Variants in MMP16 observed in about 807,000 individuals in gnomAD.
MMP16 encodes matrix metalloproteinase-16.
In MMP16, 12 loss-of-function variants were observed where a neutral mutation model predicts 67.8. That is an observed-to-expected ratio of 0.18 (90% confidence interval 0.11 to 0.29). The LOEUF (loss-of-function observed/expected upper bound fraction) is 0.29. MMP16 is among the 10% of genes least tolerant of loss of function. The pLI is 1.00. For synonymous variants in MMP16, 249 were observed against 255.9 expected (o/e 0.97, Z 0.26); for missense variants, 475 against 765.7 (o/e 0.62, Z 4.48).
At chr8:88,284,942 C>T (rs911418437) in intron 1 of MMP16, among the ~76,000 whole-genome samples, 3 of 151,790 alleles carry the variant, frequency 2.0e-5, no homozygotes, top group Non-Finnish European at 4.4e-5. Flanking sequence ...AATGTAAATT[C>T]CTCAAGGTAA....
At chr8:88,047,431 G>A (rs967568630) in intron 8 of MMP16, among the ~76,000 whole-genome samples, 1 of 152,106 alleles carries the variant, frequency 6.6e-6, no homozygotes, top group Non-Finnish European at 1.5e-5. Context: ...TATGAAAAAA[G>A]CAAAGCAGAT....
In MMP16 at chr8:88,038,317, G is replaced by A. The variant is rs1231933003; in HGVS notation, c.*3144C>T. The A allele has an allele frequency of 6.7e-6, 1 of 150,098 alleles. No homozygotes were observed. The highest frequency in any genetic ancestry group is 1.9e-4 in the East Asian group (1 of 5,176). The allele number at this position is 150,098 out of a possible 1,614,324, so 9.3% of individuals were successfully genotyped here. ...TGCCTTTGCTTATCACATAAATCTT[G>A]TCTCATATTAAAGTAAATATGACCC... On this transcript the variant is annotated 3_prime_UTR_variant, in exon 10 of 10. Transcript: ENST00000286614. The surrounding 1 kb of genome is among the most constrained non-coding windows in gnomAD (Gnocchi z 4.1).
chr8:88,080,729 C>A (rs992933020), intron 6 of MMP16, among the ~76,000 whole-genome samples: 1 of 152,152 alleles, frequency 6.6e-6, no homozygotes, highest in African/African-American at 2.4e-5. Flanking sequence ...AGCCACCGCG[C>A]CTGGCCATGT....
At chr8:88,178,514 T>C (rs9643051) in intron 3 of MMP16, among the ~76,000 whole-genome samples, 31,211 of 152,070 alleles carry the variant, frequency 0.21, 4,430 homozygotes, top group East Asian at 0.53. Context: ...GTCAGATAGA[T>C]TTAATTTTTA....
intron 4 of MMP16, among the ~76,000 whole-genome samples, chr8:88,123,485 G>C (rs1424000278): frequency 6.6e-6 from 1 of 151,716 alleles, no homozygotes; most frequent in Non-Finnish European, 1.5e-5. Context: ...GCTGAAAAGA[G>C]GGCCACTCTC....
At chr8:88,092,173 G>C (rs1051777617) in intron 6 of MMP16, among the ~76,000 whole-genome samples, 1 of 151,844 alleles carries the variant, frequency 6.6e-6, no homozygotes, top group Non-Finnish European at 1.5e-5. Context: ...TACTGGTGTA[G>C]TCAGCTGAAA....
intron 6 of MMP16, among the ~76,000 whole-genome samples, chr8:88,075,181 C>A (rs1345752550): frequency 6.6e-6 from 1 of 152,112 alleles, no homozygotes; most frequent in African/African-American, 2.4e-5. Context: ...TGTCTGTACG[C>A]CCCTGTTATG....
Position 88,098,187 on chromosome 8 carries a change from T to C in MMP16, c.1083+18320A>G, listed in dbSNP as rs555827058. ...AATATCAGCAAAAGGGACAGACACA[T>C]TGGACTAAGTGTGAGAAGCTTCCAT... is the stretch of plus-strand genomic sequence containing the variant. On this transcript the variant is annotated intron_variant, in intron 6 of 9. Transcript: ENST00000286614. Among the ~76,000 whole-genome samples the C allele has an allele frequency of 3.3e-5, 5 of 152,104 alleles. No individual in the cohort carries two copies. The South Asian group carries it at 1.0e-3, about 32-fold the overall frequency.
intron 6 of MMP16, among the ~76,000 whole-genome samples, chr8:88,077,054 G>A (rs2664349): frequency 0.65 from 98,349 of 152,092 alleles, 31,952 homozygotes; most frequent in East Asian, 0.77. Context: ...AAGGGGAGAA[G>A]TAAAAGTTCT....
At chr8:88,290,386 A>C (rs1490454367) in intron 1 of MMP16, among the ~76,000 whole-genome samples, 1 of 152,078 alleles carries the variant, frequency 6.6e-6, no homozygotes, top group Non-Finnish European at 1.5e-5. Context: ...CCCCGTCTCT[A>C]CTAAAAAATA....
intron 4 of MMP16, among the ~76,000 whole-genome samples, chr8:88,120,523 C>A (rs919361855): frequency 4.0e-5 from 6 of 151,804 alleles, no homozygotes; most frequent in African/African-American, 1.2e-4. Context: ...AAACATGGGT[C>A]AATTTTGGCT....
At chr8:88,310,532 A>T (rs186645172) in intron 1 of MMP16, among the ~76,000 whole-genome samples, 4 of 152,248 alleles carry the variant, frequency 2.6e-5, no homozygotes, top group East Asian at 3.9e-4. Context: ...ACTAAAACCC[A>T]TGAATAGGGA....
At chr8:88,105,151 CTT>C (rs11300654) in intron 6 of MMP16, among the ~76,000 whole-genome samples, 526 of 142,866 alleles carry the variant, frequency 3.7e-3, no homozygotes, top group South Asian at 4.4e-3. Flanking sequence ...TTTATCTCAT[CTT>C]TTTTTTTTTT....
At chr8:88,091,508 G>A (rs539770227) in intron 6 of MMP16, among the ~76,000 whole-genome samples, 27 of 151,582 alleles carry the variant, frequency 1.8e-4, no homozygotes, top group East Asian at 3.9e-4. Context: ...GTATTTTAGC[G>A]TATGCCACAG....
chr8:88,250,927 CT>C (rs1372000390), intron 1 of MMP16, among the ~76,000 whole-genome samples: 1 of 145,980 alleles, frequency 6.9e-6, no homozygotes, highest in African/African-American at 2.5e-5. Context: ...TCCCTCCCCC[CT>C]CCCCCTACCC....
chr8:88,147,187 G>C (rs1040899694), intron 4 of MMP16, among the ~76,000 whole-genome samples: 3 of 151,804 alleles, frequency 2.0e-5, no homozygotes, highest in African/African-American at 7.3e-5. Flanking sequence ...AGTTTTTTCT[G>C]ATGCAATTTT....
chr8:88,048,257 A>G (rs1463574003), intron 8 of MMP16, among the ~76,000 whole-genome samples: 2 of 152,106 alleles, frequency 1.3e-5, no homozygotes, highest in Non-Finnish European at 2.9e-5. Flanking sequence ...TAATACAAGT[A>G]AAAGCAAAGC....
chr8:88,060,222 G>C (rs1326307317), intron 7 of MMP16, among the ~76,000 whole-genome samples: 2 of 152,098 alleles, frequency 1.3e-5, no homozygotes, highest in Admixed American at 1.3e-4. Context: ...CTGAGCCCAA[G>C]CCTGTTGGCC....
chr8:88,281,943 A>G (rs1001212297), intron 1 of MMP16, among the ~76,000 whole-genome samples: 1 of 152,178 alleles, frequency 6.6e-6, no homozygotes, highest in Non-Finnish European at 1.5e-5. Context: ...TCTGTGTCCA[A>G]AAATTTTAAA....
Sources: allele counts gnomAD v4.1 joint callset (sites outside exome capture counted in the v4.1 genomes callset), GRCh38; gene constraint gnomAD v4.1.1; non-coding constraint Gnocchi (gnomAD v3.1); transcripts MANE v1.5; gene names NCBI Gene and HGNC (gene_info 2026-07-23, HGNC 2026-07-21).